RNF17: variants seen among roughly 807,000 people sequenced by gnomAD.
The protein encoded by RNF17 is ring finger protein 17, also known as spermatogenesis associated 23.
In RNF17, 31 loss-of-function variants were observed where a neutral mutation model predicts 200.5. That is an observed-to-expected ratio of 0.15 (90% CI 0.12 to 0.21). The LOEUF (loss-of-function observed/expected upper bound fraction) is 0.21, where lower values mean the gene tolerates loss of function less well. Ranked by LOEUF, RNF17 falls within the 10% of genes least tolerant of loss-of-function variation. The probability of loss-of-function intolerance (pLI) is 1.00; values close to 1 mark genes in which losing one functional copy is unlikely to be tolerated. For synonymous variants in RNF17, 606 were observed against 637.8 expected, an observed-to-expected ratio of 0.95 and a Z score of 0.75; for missense variants, 1,628 against 1,905.1, an observed-to-expected ratio of 0.85 and a Z score of 2.71.
chr13:24,882,393 T>G (rs1472771352), downstream of RNF17: 3 of 152,060 alleles, frequency 2.0e-5, no homozygotes, highest in African/African-American at 7.2e-5. Flanking sequence ...TAGACCAATC[T>G]GTAATTATTT....
chr13:24,764,243 TC>T lies in RNF17; in HGVS notation c.42del (p.Tyr15ThrfsTer47), dbSNP rs1226920303. Reference sequence around the variant, plus strand: ...TTCGAAGACTGGGCCTTCTAGGTCTTCCTACCAGCGAATGGGGAGGAAGAGT... The same window carrying T: ...TTCGAAGACTGGGCCTTCTAGGTCTTCTACCAGCGAATGGGGAGGAAGAGT... ...EASKTGPSRS[S>X]YQRMGRKSQP... On this transcript the variant is annotated frameshift_variant, in exon 1 of 36. Coordinates refer to ENST00000255324, the MANE Select transcript of RNF17 (RefSeq NM_031277.3). LOFTEE classifies it high-confidence loss of function. The T allele has an allele frequency of 6.2e-7, 1 of 1,609,076 alleles. No homozygotes were observed. Among genetic ancestry groups the T allele is most frequent in the Non-Finnish European group, 8.5e-7 (1 of 1,176,298 alleles).
intron 9 of RNF17, 25 bp downstream of exon 9, chr13:24,789,797 A>G (rs758409221): frequency 1.6e-6 from 2 of 1,268,928 alleles, no homozygotes; most frequent in Non-Finnish European, 2.3e-6. Context: ...GCATGGTAAC[A>G]TGCCATTAGT....
the RNF17 span, among the ~76,000 whole-genome samples, chr13:24,755,904 A>G: frequency 6.6e-6 from 1 of 152,194 alleles, no homozygotes; most frequent in South Asian, 2.1e-4. Context: ...GTCATATTTT[A>G]GTTATAGGTA....
chr13:24,783,931 A>C (rs1882765325), intron 6 of RNF17, among the ~76,000 whole-genome samples: 1 of 152,242 alleles, frequency 6.6e-6, no homozygotes, highest in Admixed American at 6.5e-5. Flanking sequence ...AAGTAGCAAA[A>C]GCAGGTACGT....
At chr13:24,799,255 A>AT in intron 11 of RNF17, 140 bp from the exon 12 acceptor site, 1 of 646,624 alleles carries the variant, frequency 1.5e-6, no homozygotes, top group Non-Finnish European at 2.7e-6. Context: ...TATCTTTCTT[A>AT]TAGCACTTGA....
In RNF17 at chr13:24,775,424, AT is replaced by A. The variant is rs566416283; in HGVS notation, c.317+527del. On this transcript the variant is annotated intron_variant, in intron 3 of 35. Transcript: ENST00000255324. ...ACCACCATGCACAGCTAATTTTTAA[AT>A]TTTTTTGTAGGCATGGAGTCTCATT... Among the ~76,000 whole-genome samples, 7 of 152,024 alleles carry A rather than the reference AT, an allele frequency of 4.6e-5. No individual in the cohort carries two copies. In the East Asian group the frequency reaches 1.4e-3, roughly 29 times the overall value.
chr13:24,823,804 A>G (rs934794759), intron 15 of RNF17, among the ~76,000 whole-genome samples: 2 of 152,102 alleles, frequency 1.3e-5, no homozygotes, highest in African/African-American at 4.8e-5. Context: ...TAGATGGTCT[A>G]TTGTATGTTT....
rs1424246604 is a variant in RNF17, at chr13:24,771,045, T to C, written c.225+3679T>C. 2.0e-5 allele frequency among the ~76,000 whole-genome samples: 3 copies of C among 152,240 alleles called. No individual in the cohort carries two copies. In the East Asian group the frequency reaches 5.8e-4, roughly 29 times the overall value. ...ATCAGTGAAGTTGAGCAACTTTTCA[T>C]ATGTTTGACTTATCAGTGCCTCTTC... On this transcript the variant is annotated intron_variant, in intron 2 of 35. Coordinates refer to ENST00000255324, the MANE Select transcript of RNF17 (RefSeq NM_031277.3).
intron 19 of RNF17, among the ~76,000 whole-genome samples, chr13:24,842,604 A>G (rs1890754717): frequency 6.6e-6 from 1 of 152,160 alleles, no homozygotes; most frequent in South Asian, 2.1e-4. Context: ...CATTGTGCTA[A>G]TACTCACCCA....
chr13:24,773,164 A>G (rs1449113738), intron 2 of RNF17, among the ~76,000 whole-genome samples: 2 of 152,250 alleles, frequency 1.3e-5, no homozygotes, highest in African/African-American at 4.8e-5. Context: ...AGAACTAATA[A>G]TAGAACAACC....
At chr13:24,803,648 G>A (rs1252748549) in intron 14 of RNF17, 2 of 152,190 alleles carry the variant, frequency 1.3e-5, no homozygotes, top group African/African-American at 4.8e-5. Context: ...TTTTACCTTG[G>A]GTGATTGGGA....
chr13:24,817,309 G>A (rs1193923593), intron 15 of RNF17, among the ~76,000 whole-genome samples: 2 of 152,004 alleles, frequency 1.3e-5, no homozygotes, highest in Non-Finnish European at 2.9e-5. Context: ...AAGTCTACTC[G>A]GATTTTCTGA....
At chr13:24,834,643 C>T (rs1412952038) in intron 18 of RNF17, among the ~76,000 whole-genome samples, 3 of 152,042 alleles carry the variant, frequency 2.0e-5, no homozygotes, top group Non-Finnish European at 4.4e-5. Flanking sequence ...GAGATCCCAG[C>T]GAAATATAGG....
rs138190428 is a variant in RNF17 at position 24,876,183 on chromosome 13, T to C, written c.4584-814T>C. Among the ~76,000 whole-genome samples, 973 of 152,340 alleles carry C rather than the reference T, an allele frequency of 6.4e-3. 3 individuals are homozygous for C. Among genetic ancestry groups the C allele is most frequent in the Non-Finnish European group, 0.01 (709 of 68,034 alleles). On this transcript the variant is annotated intron_variant, in intron 33 of 35. Coordinates refer to ENST00000255324, the MANE Select transcript of RNF17 (RefSeq NM_031277.3). Reference sequence around the variant, plus strand: ...GGGATGGAATAAAGGGTTGTTACCATAGCTTACAAATGTGTCATGATCTTG... The same window carrying C: ...GGGATGGAATAAAGGGTTGTTACCACAGCTTACAAATGTGTCATGATCTTG...
rs1447830932 is a variant in RNF17 at position 24,876,123 on chromosome 13, G to T, written c.4584-874G>T. On this transcript the variant is annotated intron_variant, in intron 33 of 35. Coordinates refer to ENST00000255324, the MANE Select transcript of RNF17 (RefSeq NM_031277.3). Reference sequence around the variant, plus strand: ...TTAATAATGTAAGAAAGATCACATTGACATGGTTATATTCCCAGGACCCTC... The same window carrying T: ...TTAATAATGTAAGAAAGATCACATTTACATGGTTATATTCCCAGGACCCTC... 4.6e-5 allele frequency among the ~76,000 whole-genome samples: 7 copies of T among 152,172 alleles called. No individual in the cohort carries two copies. In the East Asian group the frequency reaches 1.2e-3, roughly 25 times the overall value.
Position 24,779,575 on chromosome 13 carries a change from G to A in RNF17, c.430-92G>A, listed in dbSNP as rs150918640. 2,773 of 915,416 alleles carry A rather than the reference G, an allele frequency of 3.0e-3. 8 individuals carry two copies. The highest frequency in any genetic ancestry group is 4.3e-3 in the Admixed American group (196 of 45,422). 56.7% of individuals were successfully genotyped at this position (915,416 alleles called of 1,614,324 possible). A position where few individuals can be genotyped will look rare whatever the true frequency, so the allele number is the denominator to read the frequency against. On this transcript the variant is annotated intron_variant, in intron 4 of 35. Coordinates refer to ENST00000255324, the MANE Select transcript of RNF17 (RefSeq NM_031277.3). Reference sequence around the variant, plus strand: ...TCTATGTTGCTTTTGTAACCAAAACGGTAGCCTGAATTTTTTGCAACTATA... The same window carrying A: ...TCTATGTTGCTTTTGTAACCAAAACAGTAGCCTGAATTTTTTGCAACTATA...
At chr13:24,759,689 T>C (rs1392528759), upstream of RNF17, among the ~76,000 whole-genome samples, 1 of 151,948 alleles carries the variant, frequency 6.6e-6, no homozygotes, top group Non-Finnish European at 1.5e-5. Flanking sequence ...ACCAAAAAGG[T>C]AATTTAAGCA....
the RNF17 span, among the ~76,000 whole-genome samples, chr13:24,748,731 G>T: frequency 0.2 from 29,926 of 149,048 alleles, 3,273 homozygotes; most frequent in African/African-American, 0.28. Flanking sequence ...TTTGTTGTTG[G>T]TGGTGGTTTT....
At chr13:24,827,926 G>A (rs1042683759) in intron 16 of RNF17, among the ~76,000 whole-genome samples, 30 of 151,640 alleles carry the variant, frequency 2.0e-4, no homozygotes, top group Non-Finnish European at 5.9e-5. Context: ...CTTTTATAAG[G>A]GCACCTAATC....
Sources: gnomAD v4.1 joint callset for allele counts (sites outside exome capture counted in the v4.1 genomes callset) on GRCh38, gnomAD v4.1.1 for gene constraint, MANE v1.5 for transcripts, NCBI Gene and HGNC (gene_info 2026-07-23, HGNC 2026-07-21) for gene names.